MACF1: variants seen among roughly 807,000 people sequenced by gnomAD.
The protein encoded by MACF1 is microtubule-actin cross-linking factor 1.
A neutral mutation model predicts 854.8 loss-of-function variants in MACF1; 193 were observed. The ratio of observed to expected loss-of-function variants is 0.23; its 90% confidence interval spans 0.20 to 0.25. The LOEUF is 0.25. MACF1 is among the 10% of genes least tolerant of loss of function. The pLI is 1.00. For synonymous variants in MACF1, 3,185 were observed against 3,226.7 expected, an observed-to-expected ratio of 0.99 and a Z score of 0.44; for missense variants, 7,722 against 8,929.1, an observed-to-expected ratio of 0.86 and a Z score of 5.45.
chr1:39,088,346 T>C (rs260966), intron 2 of MACF1, among the ~76,000 whole-genome samples: 145,521 of 151,994 alleles, frequency 0.96, 69,999 homozygotes, highest in East Asian at 1. Context: ...GCCTTGGCCT[T>C]CCAAAATGCT....
intron 49 of MACF1, among the ~76,000 whole-genome samples, chr1:39,365,595 A>G (rs1416608893): frequency 6.6e-6 from 1 of 152,150 alleles, no homozygotes; most frequent in Non-Finnish European, 1.5e-5. Flanking sequence ...TGAAAAGTCC[A>G]TATTTTCCCC....
At chr1:39,476,689 A>G (rs12041333) in intron 97 of MACF1, among the ~76,000 whole-genome samples, 6,128 of 152,328 alleles carry the variant, frequency 0.04, 421 homozygotes, top group East Asian at 0.34. Flanking sequence ...CAAAAATGCA[A>G]TATTGGACTG....
intron 2 of MACF1, among the ~76,000 whole-genome samples, chr1:39,194,330 TC>T (rs369706139): frequency 1.7e-4 from 12 of 69,696 alleles, no homozygotes; most frequent in South Asian, 1.1e-3. Context: ...TCTTTTCTTT[TC>T]TTTTCTTTTC....
intron 44 of MACF1, among the ~76,000 whole-genome samples, chr1:39,357,144 G>C (rs1461034058): frequency 6.6e-6 from 1 of 152,142 alleles, no homozygotes; most frequent in African/African-American, 2.4e-5. Context: ...CTAAATTAAA[G>C]GGCTATACCT....
At chr1:39,167,830 C>T (rs951254943) in intron 2 of MACF1, among the ~76,000 whole-genome samples, 43 of 148,480 alleles carry the variant, frequency 2.9e-4, no homozygotes, top group African/African-American at 1.0e-3. Flanking sequence ...GCTGAGATTG[C>T]GTTACTGCAC....
intron 2 of MACF1, among the ~76,000 whole-genome samples, chr1:39,164,121 C>A (rs1463522957): frequency 6.6e-6 from 1 of 152,064 alleles, no homozygotes; most frequent in Non-Finnish European, 1.5e-5. Context: ...ATGGAAGGTT[C>A]ATTTATTTAA....
intron 1 of MACF1, among the ~76,000 whole-genome samples, chr1:39,208,045 A>G (rs1480193713): frequency 5.9e-5 from 9 of 151,774 alleles, no homozygotes; most frequent in African/African-American, 2.2e-4. Flanking sequence ...AGGCAGGAGA[A>G]CAGCTTGAAC....
At chr1:39,414,456 C>T (rs760762570) in intron 58 of MACF1, 14 of 1,613,872 alleles carry the variant, frequency 8.7e-6, no homozygotes, top group Non-Finnish European at 1.1e-5. Context: ...TGGCTGCAAC[C>T]GCTGGATTAA....
intron 58 of MACF1, among the ~76,000 whole-genome samples, chr1:39,396,193 G>A (rs1482130645): frequency 2.0e-5 from 3 of 151,986 alleles, no homozygotes; most frequent in Non-Finnish European, 4.4e-5. Flanking sequence ...GGTGGCATGC[G>A]CCTGTAGTCC....
intron 50 of MACF1, among the ~76,000 whole-genome samples, chr1:39,368,777 C>T (rs1648965815): frequency 6.6e-6 from 1 of 152,126 alleles, no homozygotes; most frequent in Admixed American, 6.5e-5. Context: ...GCTGGGATTA[C>T]AGGCATGAGC....
intron 52 of MACF1, among the ~76,000 whole-genome samples, chr1:39,377,758 C>G (rs1649848782): frequency 6.6e-6 from 1 of 152,186 alleles, no homozygotes; most frequent in Non-Finnish European, 1.5e-5. Context: ...AATCCCAGCA[C>G]TTTGGGAGGC....
chr1:39,319,583 A>G (rs1027006485), intron 30 of MACF1, 81 bp from the exon 31 acceptor site: 4 of 960,596 alleles, frequency 4.2e-6, no homozygotes, highest in African/African-American at 3.3e-5. Context: ...TTTGGAAACT[A>G]CTGCCTTAGA....
intron 2 of MACF1, among the ~76,000 whole-genome samples, chr1:39,188,589 G>A (rs1246934482): frequency 6.6e-6 from 1 of 152,186 alleles, no homozygotes; most frequent in Non-Finnish European, 1.5e-5. Flanking sequence ...CAATTGGCCA[G>A]TCTGGAAGGG....
intron 69 of MACF1, 25 bp from the exon 70 acceptor site, chr1:39,435,533 A>T: frequency 6.4e-7 from 1 of 1,574,742 alleles, no homozygotes; most frequent in South Asian, 1.1e-5. Flanking sequence ...AGTACTCATT[A>T]TGGTTTAATT....
rs201574478 is a variant in MACF1, at chr1:39,360,841, G to A, written c.12293G>A (p.Arg4098Gln). The A allele has an allele frequency of 1.9e-5, 31 of 1,613,812 alleles. No homozygotes were observed. Among genetic ancestry groups the A allele is most frequent in the Admixed American group, 1.3e-4 (8 of 59,970 alleles). ...AGCCTCTCCTATAGCCTGGCTGAGC[G>A]ATCTTCTCTGCTGCAGAAAGCAATT... ...FQSLSYSLAE[R>Q]SSLLQKAIAQ... The change falls in exon 48 of 101, where the codon CGA becomes CAA. Residue 4098 changes from arginine to glutamine, a missense_variant. By Grantham distance (43) the Arg-to-Gln change is conservative (BLOSUM62 1). Coordinates refer to ENST00000564288, the MANE Select transcript of MACF1 (RefSeq NM_001394062.1).
chr1:39,264,463 C>T (rs1027409567), intron 6 of MACF1, among the ~76,000 whole-genome samples: 2 of 152,100 alleles, frequency 1.3e-5, no homozygotes, highest in Non-Finnish European at 2.9e-5. Flanking sequence ...CTTTTCTTTG[C>T]CTGGCATAGA....
At chr1:39,354,403 T>TATTC (rs1025706266) in intron 44 of MACF1, among the ~76,000 whole-genome samples, 43 of 152,204 alleles carry the variant, frequency 2.8e-4, no homozygotes, top group African/African-American at 9.9e-4. Flanking sequence ...TTCTTTTATT[T>TATTC]ATTTATTTAT....
In MACF1 at chr1:39,435,542, T is replaced by C; in HGVS notation, c.17785-16T>C. ...TATAAAAGTACTCATTATGGTTTAA[T>C]TCTTTTTTTACCTAGCAATTAAGGG... On this transcript the variant is annotated splice_polypyrimidine_tract_variant and intron_variant, in intron 69 of 100. Coordinates refer to ENST00000564288, the MANE Select transcript of MACF1 (RefSeq NM_001394062.1). The C allele has an allele frequency of 6.2e-7, 1 of 1,602,296 alleles. No individual in the cohort carries two copies. The highest frequency in any genetic ancestry group is 8.5e-7 in the Non-Finnish European group (1 of 1,170,378).
chr1:39,434,160 A>G (rs1032978511), intron 68 of MACF1, among the ~76,000 whole-genome samples: 4 of 152,146 alleles, frequency 2.6e-5, no homozygotes, highest in Non-Finnish European at 4.4e-5. Flanking sequence ...TGTTTTTCTT[A>G]TACTATTTTA....
Sources: gnomAD v4.1 joint callset for allele counts (sites outside exome capture counted in the v4.1 genomes callset) on GRCh38, gnomAD v4.1.1 for gene constraint, MANE v1.5 for transcripts, NCBI Gene and HGNC (gene_info 2026-07-23, HGNC 2026-07-21) for gene names.